Variants in MOCOS observed in about 807,000 individuals in gnomAD.
MOCOS encodes molybdenum cofactor sulfurase.
A neutral mutation model predicts 83.6 loss-of-function variants in MOCOS; 86 were observed. That is an observed-to-expected ratio of 1.03 (90% CI 0.86 to 1.23). The LOEUF (loss-of-function observed/expected upper bound fraction) is 1.23, where lower values mean the gene tolerates loss of function less well. Among genes scored for constraint, MOCOS ranks in the 50% most tolerant of loss-of-function variants. The pLI is 0.00. For missense variants in MOCOS, 1,120 were observed against 1,126.9 expected (o/e 0.99, Z 0.09); for synonymous variants, 445 against 434.7 (o/e 1.02, Z -0.29).
chr18:36,257,270 C>T (rs2091645308), intron 12 of MOCOS, among the ~76,000 whole-genome samples, 197 bp downstream of exon 12: 1 of 152,222 alleles, frequency 6.6e-6, no homozygotes, highest in South Asian at 2.1e-4. Context: ...AGAGGGTTAT[C>T]TTTTATCTTA....
At chr18:36,204,996 C>CAGAAA in intron 5 of MOCOS, 81 bp from the exon 6 acceptor site, 1 of 422,346 alleles carries the variant, frequency 2.4e-6, no homozygotes, top group Non-Finnish European at 3.8e-6. Flanking sequence ...GACCGTGTCT[C>CAGAAA]AAAAAAAAAA....
chr18:36,188,074 G>A (rs959587699), intron 1 of MOCOS, among the ~76,000 whole-genome samples: 25 of 152,196 alleles, frequency 1.6e-4, no homozygotes, highest in African/African-American at 5.8e-4. Context: ...TCCCGAGGTA[G>A]GAGCGGTGCG....
chr18:36,238,639 G>A (rs1359223284), intron 9 of MOCOS, among the ~76,000 whole-genome samples: 3 of 142,384 alleles, frequency 2.1e-5, no homozygotes, highest in South Asian at 2.3e-4. Flanking sequence ...TTCTGTAGAT[G>A]TCTATTAGGT....
At chr18:36,248,651 C>T (rs962317870) in intron 9 of MOCOS, among the ~76,000 whole-genome samples, 1 of 152,140 alleles carries the variant, frequency 6.6e-6, no homozygotes, top group African/African-American at 2.4e-5. Flanking sequence ...TTTTCTTCTT[C>T]TGCATATGGT....
intron 12 of MOCOS, among the ~76,000 whole-genome samples, chr18:36,258,465 G>A (rs1306601966): frequency 1.3e-5 from 2 of 152,150 alleles, no homozygotes; most frequent in East Asian, 3.9e-4. Flanking sequence ...TCTTGTTGCA[G>A]ATGAGGAAAT....
intron 9 of MOCOS, among the ~76,000 whole-genome samples, chr18:36,244,924 G>T (rs1259643388): frequency 6.6e-6 from 1 of 151,844 alleles, no homozygotes; most frequent in Non-Finnish European, 1.5e-5. Flanking sequence ...AGTTTGTTTT[G>T]TCTGCTATAA....
chr18:36,239,409 G>T (rs2091572471), intron 9 of MOCOS, among the ~76,000 whole-genome samples: 1 of 146,772 alleles, frequency 6.8e-6, no homozygotes, highest in Admixed American at 6.7e-5. Flanking sequence ...AGTTTGGCTG[G>T]ATATGAAATT....
rs76295299 is a variant in MOCOS, at chr18:36,227,024, G to A, written c.1960+6807G>A. ...ACCTAAGCCTCCTGAGTAGTCCTAA[G>A]CTAAGTCCTAAGCTAAGTCCTAAGC... is the stretch of plus-strand genomic sequence containing the variant. On this transcript the variant is annotated intron_variant, in intron 9 of 14. Transcript: ENST00000261326. Among the ~76,000 whole-genome samples, 158 of 146,362 alleles carry A rather than the reference G, an allele frequency of 1.1e-3. 2 individuals are homozygous for A. The East Asian group carries it at 0.026, about 24-fold the overall frequency.
chr18:36,226,339 C>T (rs1037719338), intron 9 of MOCOS, among the ~76,000 whole-genome samples: 3 of 152,082 alleles, frequency 2.0e-5, no homozygotes, highest in African/African-American at 7.2e-5. Flanking sequence ...TATAGCCACT[C>T]CTACTCTCTT....
At chr18:36,226,698 C>T (rs1465794568) in intron 9 of MOCOS, among the ~76,000 whole-genome samples, 3 of 120,504 alleles carry the variant, frequency 2.5e-5, no homozygotes, top group African/African-American at 5.9e-5. Context: ...TTTTGTGTAA[C>T]TTCTATAGGT....
At chr18:36,240,926 T>C (rs1463676531) in intron 9 of MOCOS, among the ~76,000 whole-genome samples, 3 of 152,074 alleles carry the variant, frequency 2.0e-5, no homozygotes, top group Non-Finnish European at 4.4e-5. Flanking sequence ...CTTTCTTTGA[T>C]TAGGAAAGGG....
chr18:36,197,659 G>A (rs1432487029), intron 2 of MOCOS, among the ~76,000 whole-genome samples: 1 of 152,142 alleles, frequency 6.6e-6, no homozygotes, highest in Non-Finnish European at 1.5e-5. Flanking sequence ...TGTTGTGCTA[G>A]CTATTCAGGA....
chr18:36,244,067 G>C (rs2096887), intron 9 of MOCOS, among the ~76,000 whole-genome samples: 16,861 of 151,784 alleles, frequency 0.11, 1,028 homozygotes, highest in Non-Finnish European at 0.13. Context: ...CAAAGAACCA[G>C]CTTTTTGTTC....
intron 13 of MOCOS, among the ~76,000 whole-genome samples, chr18:36,262,663 T>C (rs2091668108): frequency 6.6e-6 from 1 of 152,158 alleles, no homozygotes; most frequent in Non-Finnish European, 1.5e-5. Context: ...CACACCTGGC[T>C]AAATTTTTTA....
intron 9 of MOCOS, 34 bp from the exon 10 acceptor site, chr18:36,248,887 TA>T: frequency 6.4e-7 from 1 of 1,560,352 alleles, no homozygotes; most frequent in Non-Finnish European, 8.8e-7. Context: ...TGTTTTTACA[TA>T]ATGATAAATT....
chr18:36,266,932 A>C, intron 14 of MOCOS, 79 bp downstream of exon 14: 1 of 1,222,424 alleles, frequency 8.2e-7, no homozygotes, highest in Non-Finnish European at 1.2e-6. Context: ...ATAATAGCAC[A>C]GAGTTATTTT....
At chr18:36,190,489 C>T (rs531023414) in intron 1 of MOCOS, among the ~76,000 whole-genome samples, 1 of 152,240 alleles carries the variant, frequency 6.6e-6, no homozygotes, top group South Asian at 2.1e-4. Context: ...GTGGCTCAAG[C>T]CTGTAATCCT....
intron 9 of MOCOS, among the ~76,000 whole-genome samples, chr18:36,226,911 G>A (rs139608107): frequency 0.023 from 3,303 of 141,494 alleles, 57 homozygotes; most frequent in Non-Finnish European, 0.034. Context: ...TTTTGAGACA[G>A]GGTCTTGCTC....
intron 9 of MOCOS, among the ~76,000 whole-genome samples, chr18:36,222,171 G>C (rs1324317751): frequency 3.3e-5 from 5 of 152,124 alleles, no homozygotes; most frequent in Non-Finnish European, 4.4e-5. Flanking sequence ...TTGGCTATTG[G>C]AAATAGAGCT....
Sources: gnomAD v4.1 joint callset for allele counts (sites outside exome capture counted in the v4.1 genomes callset) on GRCh38, gnomAD v4.1.1 for gene constraint, MANE v1.5 for transcripts, NCBI Gene and HGNC (gene_info 2026-07-23, HGNC 2026-07-21) for gene names.